DYNC1I1: variants seen among roughly 807,000 people sequenced by gnomAD.
DYNC1I1 encodes dynein cytoplasmic 1 intermediate chain 1.
A neutral mutation model predicts 86.6 loss-of-function variants in DYNC1I1; 43 were observed. That is an observed-to-expected ratio of 0.50 (90% confidence interval 0.39 to 0.64). The LOEUF is 0.64. DYNC1I1 is among the 30% of genes least tolerant of loss of function. DYNC1I1 has a pLI of 0.00. For missense variants in DYNC1I1, 604 were observed against 788.8 expected, an observed-to-expected ratio of 0.77 and a Z score of 2.81; for synonymous variants, 262 against 283.7, an observed-to-expected ratio of 0.92 and a Z score of 0.77.
At chr7:96,106,580 C>A (rs1242341778) in intron 16 of DYNC1I1, among the ~76,000 whole-genome samples, 1 of 151,558 alleles carries the variant, frequency 6.6e-6, no homozygotes, top group Admixed American at 6.6e-5. Flanking sequence ...CTTAGTACTG[C>A]TTTTACTATA....
chr7:95,780,272 CT>C (rs904745977), intron 1 of DYNC1I1, among the ~76,000 whole-genome samples: 26 of 146,368 alleles, frequency 1.8e-4, no homozygotes, highest in African/African-American at 2.5e-4. Flanking sequence ...ACTTCCCCCA[CT>C]TTTTTTTTTT....
chr7:95,982,847 T>A (rs1481739280), intron 7 of DYNC1I1, among the ~76,000 whole-genome samples: 2 of 152,224 alleles, frequency 1.3e-5, no homozygotes, highest in African/African-American at 4.8e-5. Flanking sequence ...AGTTCCATTT[T>A]GTAGTTTTAT....
At chr7:95,971,409 A>T (rs1793167064) in intron 6 of DYNC1I1, among the ~76,000 whole-genome samples, 1 of 152,244 alleles carries the variant, frequency 6.6e-6, no homozygotes, top group African/African-American at 2.4e-5. Context: ...TATAAGAAGA[A>T]TCACCATCTG....
At chr7:96,071,669 A>C (rs1396945225) in intron 14 of DYNC1I1, among the ~76,000 whole-genome samples, 1 of 152,154 alleles carries the variant, frequency 6.6e-6, no homozygotes, top group Non-Finnish European at 1.5e-5. Flanking sequence ...TCTAGCTTTC[A>C]GGAGAAAAAG....
chr7:95,852,927 C>A (rs1789619331), intron 5 of DYNC1I1, among the ~76,000 whole-genome samples: 2 of 152,086 alleles, frequency 1.3e-5, no homozygotes, highest in Admixed American at 1.3e-4. Flanking sequence ...ATATTTATTG[C>A]TATAAACTTT....
At chr7:95,779,625 T>G (rs112006656) in intron 1 of DYNC1I1, among the ~76,000 whole-genome samples, 1 of 152,250 alleles carries the variant, frequency 6.6e-6, no homozygotes, top group Non-Finnish European at 1.5e-5. Flanking sequence ...TTCGTATTTC[T>G]CCTAGACTTT....
chr7:96,046,330 G>A (rs540773594), intron 14 of DYNC1I1, among the ~76,000 whole-genome samples: 1 of 152,268 alleles, frequency 6.6e-6, no homozygotes, highest in South Asian at 2.1e-4. Context: ...GTTTGCTTTG[G>A]AATACTGTGG....
intron 1 of DYNC1I1, among the ~76,000 whole-genome samples, chr7:95,803,092 G>T (rs1413095627): frequency 2.0e-5 from 3 of 152,150 alleles, no homozygotes; most frequent in African/African-American, 7.2e-5. Context: ...TTGAATTTAG[G>T]TTCTGCCATC....
Position 95,804,788 on chromosome 7 carries a change from A to G in DYNC1I1, c.59A>G (p.Gln20Arg). The change falls in exon 2 of 17, where the codon CAG (glutamine) becomes CGG (arginine). Residue 20 changes from glutamine to arginine, a missense_variant. By Grantham distance (43) the Gln-to-Arg change is conservative. Transcript: ENST00000447467. ...ELERKKQRLA[Q>R]IREEKKRKEE... ...GAGCGCAAAAAGCAGCGCTTAGCAC[A>G]GATAAGAGAAGAGAAGAAACGGAAG... 1.3e-6 allele frequency: 2 copies of G among 1,587,074 alleles called. No individual in the cohort carries two copies. The highest frequency in any genetic ancestry group is 2.3e-5 in the East Asian group (1 of 43,274).
rs866137089 is a variant in DYNC1I1 at position 95,962,848 on chromosome 7, T to C, written c.491-14664T>C. On this transcript the variant is annotated intron_variant, in intron 6 of 16. Coordinates refer to ENST00000447467, the MANE Select transcript of DYNC1I1 (RefSeq NM_001135556.2). Reference sequence around the variant, plus strand: ...AATGTGTGATGGGAAACTATCCTCCTGGGTCATGGCACTACTAATTACCCA... The same window carrying C: ...AATGTGTGATGGGAAACTATCCTCCCGGGTCATGGCACTACTAATTACCCA... Among the ~76,000 whole-genome samples the C allele has an allele frequency of 3.3e-5, 5 of 152,316 alleles. No homozygotes were observed. In the South Asian group the frequency reaches 6.2e-4, roughly 19 times the overall value.
intron 10 of DYNC1I1, among the ~76,000 whole-genome samples, chr7:95,997,512 G>T (rs1009156925): frequency 8.0e-5 from 12 of 150,690 alleles, no homozygotes; most frequent in Middle Eastern, 3.5e-3. Context: ...CAGGTTTCTG[G>T]AATCAACTGT....
At chr7:96,028,682 A>G (rs1346315755) in intron 11 of DYNC1I1, among the ~76,000 whole-genome samples, 1 of 152,198 alleles carries the variant, frequency 6.6e-6, no homozygotes, top group African/African-American at 2.4e-5. Flanking sequence ...CTGAAGAGTA[A>G]GGATTTCACA....
chr7:95,961,486 A>G (rs374830019), intron 6 of DYNC1I1, among the ~76,000 whole-genome samples: 13 of 152,230 alleles, frequency 8.5e-5, no homozygotes, highest in East Asian at 7.7e-4. Context: ...TCTCATGACA[A>G]TAACTTCCAT....
intron 6 of DYNC1I1, among the ~76,000 whole-genome samples, chr7:95,871,686 G>A (rs984666401): frequency 6.6e-6 from 1 of 152,138 alleles, no homozygotes; most frequent in East Asian, 1.9e-4. Context: ...AGGATGAAAA[G>A]GCATCAGCTC....
At chr7:95,831,664 ACTT>A (rs35006859) in intron 5 of DYNC1I1, among the ~76,000 whole-genome samples, 80,096 of 151,494 alleles carry the variant, frequency 0.53, 21,931 homozygotes, top group African/African-American at 0.69. Context: ...CCCTTCCAAT[ACTT>A]CTTATTTTTT....
chr7:95,972,094 A>G (rs970989748), intron 6 of DYNC1I1, among the ~76,000 whole-genome samples: 2 of 152,074 alleles, frequency 1.3e-5, no homozygotes, highest in African/African-American at 4.8e-5. Context: ...CCCTCTCTTC[A>G]CAGAGGGTCG....
intron 2 of DYNC1I1, 66 bp downstream of exon 2, chr7:95,804,903 C>A: frequency 6.6e-7 from 1 of 1,510,518 alleles, no homozygotes; most frequent in Non-Finnish European, 8.8e-7. Flanking sequence ...AGGGGCTGGT[C>A]AAATGGATAA....
At chr7:95,850,485 T>G (rs185983574) in intron 5 of DYNC1I1, among the ~76,000 whole-genome samples, 4 of 152,220 alleles carry the variant, frequency 2.6e-5, no homozygotes, top group Admixed American at 2.6e-4. Flanking sequence ...TGTACATTTA[T>G]AGTAGTCCTC....
chr7:95,953,125 C>G (rs1036867996), intron 6 of DYNC1I1, among the ~76,000 whole-genome samples: 2 of 148,940 alleles, frequency 1.3e-5, no homozygotes, highest in African/African-American at 5.0e-5. Context: ...TTCTAGTTCT[C>G]AAGATATACA....
Sources: gnomAD v4.1 joint callset for allele counts (sites outside exome capture counted in the v4.1 genomes callset) on GRCh38, gnomAD v4.1.1 for gene constraint, MANE v1.5 for transcripts, NCBI Gene and HGNC (gene_info 2026-07-23, HGNC 2026-07-21) for gene names.